SCCPDH: variants seen among roughly 807,000 people sequenced by gnomAD.
SCCPDH encodes the protein saccharopine dehydrogenase-like oxidoreductase.
Under a neutral mutation model 51.5 loss-of-function variants are expected in SCCPDH, and 34 were observed. The ratio of observed to expected loss-of-function variants is 0.66; its 90% CI spans 0.50 to 0.88. SCCPDH has a LOEUF of 0.88. SCCPDH is among the 40% of genes least tolerant of loss of function. The pLI, the probability that SCCPDH is intolerant of heterozygous loss-of-function variation, is 0.00. For synonymous variants in SCCPDH, 187 were observed against 191.3 expected (o/e 0.98, Z 0.19); for missense variants, 464 against 527.1 (o/e 0.88, Z 1.17).
At chr1:246,764,209 T>C (rs1276853834) in intron 9 of SCCPDH, 37 bp from the exon 10 acceptor site, 2 of 1,258,490 alleles carry the variant, frequency 1.6e-6, no homozygotes, top group African/African-American at 3.0e-5. Flanking sequence ...GGAAATGACG[T>C]ATTTATGAAA....
chr1:246,733,251 T>G (rs1668518491), intron 2 of SCCPDH, among the ~76,000 whole-genome samples: 1 of 151,998 alleles, frequency 6.6e-6, no homozygotes, highest in African/African-American at 2.4e-5. Flanking sequence ...CACATCTGGC[T>G]AATTTTTGTA....
At chr1:246,765,937 A>T in intron 10 of SCCPDH, 121 bp from the exon 11 acceptor site, 1 of 663,550 alleles carries the variant, frequency 1.5e-6, no homozygotes, top group East Asian at 2.5e-5. Context: ...TGACCAGAGT[A>T]TCTATTGAAA....
At chr1:246,736,273 ACAT>A (rs995636126) in intron 3 of SCCPDH, among the ~76,000 whole-genome samples, 31 of 152,184 alleles carry the variant, frequency 2.0e-4, no homozygotes, top group African/African-American at 7.2e-4. Context: ...CCTCCCTACA[ACAT>A]CATTTCTTAT....
chr1:246,760,412 A>G (rs1376137111), intron 9 of SCCPDH, among the ~76,000 whole-genome samples, 185 bp downstream of exon 9: 8 of 152,266 alleles, frequency 5.3e-5, no homozygotes, highest in Admixed American at 1.3e-4. Flanking sequence ...TTTACACATC[A>G]GAGAACTGAG....
At chr1:246,758,101 A>G in intron 5 of SCCPDH, 125 bp from the exon 6 acceptor site, 1 of 704,072 alleles carries the variant, frequency 1.4e-6, no homozygotes, top group East Asian at 2.9e-5. Context: ...CAAGATTATT[A>G]AATCAGGGAT....
chr1:246,759,947 C>A lies in SCCPDH; in HGVS notation c.814-10C>A. On this transcript the variant is annotated splice_polypyrimidine_tract_variant and intron_variant, in intron 7 of 11. Coordinates refer to ENST00000366510, the MANE Select transcript of SCCPDH (RefSeq NM_016002.3). The stretch of plus-strand genomic sequence containing the variant: ...AGTAATGTTCTAACTTTGTCTTCTC[C>A]ATCATCTAGGTTCAGTATGCTGCGT... 6.2e-7 allele frequency: 1 copy of A among 1,602,514 alleles called. No homozygotes were observed. Among genetic ancestry groups the A allele is most frequent in the Non-Finnish European group, 8.5e-7 (1 of 1,176,872 alleles).
At chr1:246,766,505 A>ACC (rs74655436) in intron 11 of SCCPDH, among the ~76,000 whole-genome samples, 2 of 152,000 alleles carry the variant, frequency 1.3e-5, no homozygotes, top group Admixed American at 1.3e-4. Context: ...GGCAGTAGTA[A>ACC]CCCTGACTGA....
chr1:246,725,404 G>C (rs369555167), intron 1 of SCCPDH, among the ~76,000 whole-genome samples: 1 of 152,140 alleles, frequency 6.6e-6, no homozygotes, highest in African/African-American at 2.4e-5. Context: ...ACAGAGAGGA[G>C]ACAGACACAC....
chr1:246,766,834 T>G (rs1406992293), intron 11 of SCCPDH, among the ~76,000 whole-genome samples: 1 of 152,240 alleles, frequency 6.6e-6, no homozygotes, highest in Non-Finnish European at 1.5e-5. Context: ...AATAATTGAT[T>G]ATCTAAATTT....
chr1:246,745,835 A>T (rs535997224), intron 5 of SCCPDH, among the ~76,000 whole-genome samples: 2 of 152,052 alleles, frequency 1.3e-5, no homozygotes, highest in Non-Finnish European at 2.9e-5. Flanking sequence ...CTGGCCGGGC[A>T]TGGTGGCTCA....
intron 5 of SCCPDH, among the ~76,000 whole-genome samples, chr1:246,756,031 C>G (rs928623114): frequency 2.6e-5 from 4 of 152,120 alleles, no homozygotes; most frequent in African/African-American, 9.7e-5. Flanking sequence ...TTGGGAATGG[C>G]TTTTACAAAA....
At chr1:246,752,973 GTCTC>G (rs142328468) in intron 5 of SCCPDH, among the ~76,000 whole-genome samples, 2 of 150,824 alleles carry the variant, frequency 1.3e-5, no homozygotes, top group African/African-American at 2.4e-5. Flanking sequence ...CTGTGTCTCT[GTCTC>G]TCTCTCTCTC....
At chr1:246,752,604 C>A (rs558874246) in intron 5 of SCCPDH, among the ~76,000 whole-genome samples, 1 of 152,160 alleles carries the variant, frequency 6.6e-6, no homozygotes, top group South Asian at 2.1e-4. Flanking sequence ...TTCTACTTCC[C>A]CAGGGGTTTT....
At chr1:246,748,006 C>T (rs541884374) in intron 5 of SCCPDH, among the ~76,000 whole-genome samples, 1 of 152,256 alleles carries the variant, frequency 6.6e-6, no homozygotes, top group Admixed American at 6.5e-5. Flanking sequence ...CAGGCTGAAA[C>T]CTTCGAAGAG....
chr1:246,758,305 A>T lies in SCCPDH; in HGVS notation c.644A>T (p.Asn215Ile). The T allele has an allele frequency of 6.2e-7, 1 of 1,611,342 alleles. No homozygotes were observed. Among genetic ancestry groups the T allele is most frequent in the Non-Finnish European group, 8.5e-7 (1 of 1,178,632 alleles). ...CAGAGTAATTTGAGAAAACTAAGAA[A>T]TGTATCAAATCTGAAACCTGTCCCG... ...GDQSNLRKLR[N>I]VSNLKPVPLI... Residue 215 changes from asparagine (N) to isoleucine (I), a missense_variant, in exon 6 of 12, where the codon AAT becomes ATT. Coordinates refer to ENST00000366510, the MANE Select transcript of SCCPDH (RefSeq NM_016002.3).
chr1:246,756,247 T>C (rs771525746), intron 5 of SCCPDH, among the ~76,000 whole-genome samples: 3 of 152,214 alleles, frequency 2.0e-5, no homozygotes, highest in Non-Finnish European at 2.9e-5. Flanking sequence ...ATTGCATTTC[T>C]GTAGAGCTTA....
intron 9 of SCCPDH, among the ~76,000 whole-genome samples, chr1:246,761,541 G>A (rs1669013978): frequency 6.6e-6 from 1 of 152,148 alleles, no homozygotes; most frequent in African/African-American, 2.4e-5. Context: ...CTACACCCGT[G>A]AAACAATAAC....
Position 246,767,273 on chromosome 1 carries a change from T to C in SCCPDH, c.1263T>C (p.Phe421=). Residue 421 remains phenylalanine (F), a synonymous_variant, in exon 12 of 12, where the codon TTT becomes TTC. Transcript: ENST00000366510. ...GACTCAACAAACACGGTATTGAGTT[T>C]AGTGTTATTAGCAGCTCTGAAGTCT... The part of the protein sequence containing the change: ...IDRLNKHGIE[F]SVISSSEV The C allele has an allele frequency of 1.2e-6, 2 of 1,607,950 alleles. No individual in the cohort carries two copies. Among genetic ancestry groups the C allele is most frequent in the Non-Finnish European group, 1.7e-6 (2 of 1,176,520 alleles).
chr1:246,746,664 A>T (rs1057036925), intron 5 of SCCPDH, among the ~76,000 whole-genome samples: 10 of 152,084 alleles, frequency 6.6e-5, no homozygotes, highest in Non-Finnish European at 1.3e-4. Flanking sequence ...AATATGGTGA[A>T]ACTCCGTCTC....
Sources: allele counts gnomAD v4.1 joint callset (sites outside exome capture counted in the v4.1 genomes callset), GRCh38; gene constraint gnomAD v4.1.1; transcripts MANE v1.5; gene names NCBI Gene and HGNC (gene_info 2026-07-23, HGNC 2026-07-21).